The following MYO1F variants were observed in gnomAD, a reference collection of about 807,000 sequenced individuals.
MYO1F encodes myosin IF.
A neutral mutation model predicts 146.6 loss-of-function variants in MYO1F; 60 were observed. The observed-to-expected ratio is 0.41, with a 90% CI of 0.33 to 0.51. MYO1F has a LOEUF of 0.51. Ranked by LOEUF, MYO1F falls within the 20% of genes least tolerant of loss-of-function variation. The pLI, the probability that MYO1F is intolerant of heterozygous loss-of-function variation, is 0.25. For synonymous variants in MYO1F, 602 were observed against 602.1 expected, an observed-to-expected ratio of 1.00 and a Z score of 0.00; for missense variants, 1,274 against 1,534.3, an observed-to-expected ratio of 0.83 and a Z score of 2.83.
In MYO1F at chr19:8,553,208, C is replaced by T. The variant is rs1973688512; in HGVS notation, c.435G>A (p.Leu145=). 1 of 1,614,140 alleles carries T rather than the reference C, an allele frequency of 6.2e-7. No homozygotes were observed. The highest frequency in any genetic ancestry group is 8.5e-7 in the Non-Finnish European group (1 of 1,180,034). ...AGGCCTCGAGCAGCGGGTTGGACTGCAGGATGATATCTTTGACGTGCTGGG... is the reference window on the plus strand; with the variant it reads ...AGGCCTCGAGCAGCGGGTTGGACTGTAGGATGATATCTTTGACGTGCTGGG... The part of the protein sequence containing the change: ...EKVQHVKDII[L]QSNPLLEAFG... The change falls in exon 6 of 28, where the codon CTG becomes CTA. Residue 145 remains leucine, a synonymous_variant. Coordinates refer to ENST00000644032, the MANE Select transcript of MYO1F (RefSeq NM_012335.4).
Position 8,541,887 on chromosome 19 carries a change from C to T in MYO1F, c.1610+19G>A. On this transcript the variant is annotated intron_variant, in intron 15 of 27. Transcript: ENST00000644032. ...TTGGGGGGTTGTAGCCGGAGGTCCC[C>T]ATGCCTGGGACCACTCACTGCTCAC... 1 of 1,606,020 alleles carries T rather than the reference C, an allele frequency of 6.2e-7. No individual in the cohort carries two copies. The highest frequency in any genetic ancestry group is 8.5e-7 in the Non-Finnish European group (1 of 1,173,370).
At chr19:8,543,720 G>A (rs180974918) in intron 14 of MYO1F, among the ~76,000 whole-genome samples, 5 of 11,706 alleles carry the variant, frequency 4.3e-4, no homozygotes, top group African/African-American at 8.8e-4. Flanking sequence ...GGTGGTGGTG[G>A]TGGTGCTGGT....
intron 19 of MYO1F, among the ~76,000 whole-genome samples, chr19:8,531,818 C>A (rs1000791863): frequency 6.6e-6 from 1 of 152,000 alleles, no homozygotes; most frequent in East Asian, 1.9e-4. Flanking sequence ...CAATAAAATA[C>A]AGTAAATATG....
chr19:8,523,323 G>T (rs150291727), intron 25 of MYO1F, among the ~76,000 whole-genome samples: 1 of 152,074 alleles, frequency 6.6e-6, no homozygotes, highest in South Asian at 2.1e-4. Flanking sequence ...ATGAGCCACC[G>T]CGCCTGGCCA....
At chr19:8,526,326 TA>T in intron 24 of MYO1F, 126 bp downstream of exon 24, 1 of 1,438,222 alleles carries the variant, frequency 7.0e-7, no homozygotes, top group Non-Finnish European at 9.4e-7. Context: ...GACTCCGTCT[TA>T]AAAAAACCAC....
chr19:8,541,629 ATG>A, intron 15 of MYO1F: 1 of 459,270 alleles, frequency 2.2e-6, no homozygotes, highest in South Asian at 2.1e-5. Flanking sequence ...AGGTTTTGCC[ATG>A]TTGCCCAGGC....
At chr19:8,534,350 C>A (rs1388254196) in intron 19 of MYO1F, among the ~76,000 whole-genome samples, 1 of 152,010 alleles carries the variant, frequency 6.6e-6, no homozygotes, top group Non-Finnish European at 1.5e-5. Context: ...CTTTGTCCCC[C>A]AGGCTGGAGT....
At position 8,539,414 on chromosome 19, in the gene MYO1F, C is replaced by CAA. The variant is rs564833295; in HGVS notation, c.1692+531_1692+532dup. ...AGGCAACAAGAGTGAAACTCCATCT[C>CAA]AAAAAAAAAACCAAACCAACAAAAA... On this transcript the variant is annotated intron_variant, in intron 16 of 27. Coordinates refer to ENST00000644032, the MANE Select transcript of MYO1F (RefSeq NM_012335.4). 2.9e-3 allele frequency among the ~76,000 whole-genome samples: 413 copies of CAA among 144,654 alleles called. 4 individuals carry two copies. Among genetic ancestry groups the CAA allele is most frequent in the African/African-American group, 0.01 (399 of 39,322 alleles). 94.9% of individuals were successfully genotyped at this position (144,654 alleles called of 152,430 possible). A position where few individuals can be genotyped will look rare whatever the true frequency, so the allele number is the denominator to read the frequency against.
In MYO1F at chr19:8,574,651, TTTC is replaced by T. The variant is rs1332849189; in HGVS notation, c.3+2653_3+2655del. On this transcript the variant is annotated intron_variant, in intron 1 of 27. Coordinates refer to ENST00000644032, the MANE Select transcript of MYO1F (RefSeq NM_012335.4). ...TTTCTTTCTTTCTTTCTTTCCTTTC[TTTC>T]TCTTTCTTCTTTCTCTCTTTCTTTC... 3.2e-4 allele frequency among the ~76,000 whole-genome samples: 18 copies of T among 56,820 alleles called. No individual in the cohort carries two copies. In the East Asian group the frequency reaches 6.0e-3, roughly 19 times the overall value. 37.3% of individuals were successfully genotyped at this position (56,820 alleles called of 152,430 possible).
chr19:8,527,760 G>A (rs1355574940), intron 21 of MYO1F, among the ~76,000 whole-genome samples: 1 of 152,124 alleles, frequency 6.6e-6, no homozygotes, highest in Non-Finnish European at 1.5e-5. Flanking sequence ...CCACAGGTGC[G>A]CACCACCATG....
At position 8,553,894 on chromosome 19, in the gene MYO1F, A is replaced by ACACACACACACACACACACTCTCT; in HGVS notation, c.327-458_327-457insAGAGAGTGTGTGTGTGTGTGTGTG. Among the ~76,000 whole-genome samples the ACACACACACACACACACACTCTCT allele has an allele frequency of 3.7e-3, 382 of 102,596 alleles. 4 individuals carry two copies. The highest frequency in any genetic ancestry group is 9.3e-3 in the Middle Eastern group (2 of 214). The allele number at this position is 102,596 out of a possible 152,430, so 67.3% of individuals were successfully genotyped here. Reference sequence around the variant, plus strand: ...CACACACACACACACACACACACACACTCTCTCTCTCTCTCTCTCTCTCTC... The same window carrying ACACACACACACACACACACTCTCT: ...CACACACACACACACACACACACACACACACACACACACACACACTCTCTCTCTCTCTCTCTCTCTCTCTCTCTC... On this transcript the variant is annotated intron_variant, in intron 4 of 27. Transcript: ENST00000644032.
intron 14 of MYO1F, among the ~76,000 whole-genome samples, chr19:8,542,768 T>C (rs1296171955): frequency 6.8e-6 from 1 of 146,552 alleles, no homozygotes; most frequent in Non-Finnish European, 1.5e-5. Context: ...ACCTGGCTGA[T>C]TTTTTTTTTT....
rs980807665 is a variant in MYO1F, at chr19:8,522,419, G to A, written c.3178C>T (p.Leu1060=). The A allele has an allele frequency of 1.2e-6, 2 of 1,614,156 alleles. No individual in the cohort carries two copies. Among genetic ancestry groups the A allele is most frequent in the Admixed American group, 1.7e-5 (1 of 60,026 alleles). ...ATGACCTCGTTCACGTTGAAGCTCAGCTCGTCCACATCTTGGCCCACGTAC... is the reference window on the plus strand; with the variant it reads ...ATGACCTCGTTCACGTTGAAGCTCAACTCGTCCACATCTTGGCCCACGTAC... The part of the protein sequence containing the change: ...YQYVGQDVDE[L]SFNVNEVIEI... The change falls in exon 27 of 28, where the codon CTG becomes TTG. Residue 1060 remains leucine, a synonymous_variant. Transcript: ENST00000644032.
chr19:8,548,829 C>T lies in MYO1F; in HGVS notation c.1102-512G>A, dbSNP rs531787107. 1.3e-4 allele frequency among the ~76,000 whole-genome samples: 20 copies of T among 151,314 alleles called. No homozygotes were observed. In the South Asian group the frequency reaches 4.0e-3, roughly 30 times the overall value. Reference sequence around the variant, plus strand: ...GGTCTCGATCTCCTGACCTCGTGATCCGCCCGCCTCGGCCTCCCAAAGTGC... The same window carrying T: ...GGTCTCGATCTCCTGACCTCGTGATTCGCCCGCCTCGGCCTCCCAAAGTGC... On this transcript the variant is annotated intron_variant, in intron 10 of 27. Coordinates refer to ENST00000644032, the MANE Select transcript of MYO1F (RefSeq NM_012335.4).
intron 15 of MYO1F, 106 bp from the exon 16 acceptor site, chr19:8,540,134 T>A: frequency 1.2e-6 from 1 of 833,876 alleles, no homozygotes; most frequent in Non-Finnish European, 1.9e-6. Flanking sequence ...AATATGGTTC[T>A]CTCAATGTGG....
intron 27 of MYO1F, 124 bp downstream of exon 27, chr19:8,522,253 A>C (rs1476926223): frequency 2.8e-5 from 34 of 1,200,166 alleles, no homozygotes; most frequent in Non-Finnish European, 3.6e-5. Flanking sequence ...CGATCTCCTG[A>C]CCTCGTGATC....
intron 16 of MYO1F, 140 bp downstream of exon 16, chr19:8,539,807 T>C: frequency 1.4e-6 from 1 of 717,198 alleles, no homozygotes; most frequent in Non-Finnish European, 2.3e-6. Flanking sequence ...GCTGAACAGA[T>C]GACGTCACAG....
chr19:8,523,026 T>C (rs1221377965), intron 25 of MYO1F, among the ~76,000 whole-genome samples, 197 bp from the exon 26 acceptor site: 1 of 132,632 alleles, frequency 7.5e-6, no homozygotes, highest in Non-Finnish European at 1.6e-5. Context: ...ATTTTAAAAT[T>C]ATTTTTTACT....
In MYO1F at chr19:8,550,360, C is replaced by T; in HGVS notation, c.905-4G>A. On this transcript the variant is annotated splice_polypyrimidine_tract_variant and splice_region_variant and intron_variant, in intron 9 of 27. Transcript: ENST00000644032. ...AGGTAGGCGGGAAAGGCCAGGACTA[C>T]CAGGGCAAAGGTCAGGGCAAAAATG... 6.2e-7 allele frequency: 1 copy of T among 1,609,530 alleles called. No individual in the cohort carries two copies. Among genetic ancestry groups the T allele is most frequent in the South Asian group, 1.1e-5 (1 of 90,462 alleles).
Sources: allele counts gnomAD v4.1 joint callset (sites outside exome capture counted in the v4.1 genomes callset), GRCh38; gene constraint gnomAD v4.1.1; transcripts MANE v1.5; gene names NCBI Gene and HGNC (gene_info 2026-07-23, HGNC 2026-07-21).